The following SLC35F3 variants were observed in gnomAD, a reference collection of about 807,000 sequenced individuals.
SLC35F3 encodes the protein solute carrier family 35 member F3.
SLC35F3 carries 25 observed loss-of-function variants against 49.9 expected under a neutral mutation model. The ratio of observed to expected loss-of-function variants is 0.50; its 90% confidence interval spans 0.37 to 0.70. SLC35F3 has a LOEUF of 0.70. Ranked by LOEUF, SLC35F3 falls within the 30% of genes least tolerant of loss-of-function variation. The probability of loss-of-function intolerance (pLI) is 0.00; values close to 1 mark genes in which losing one functional copy is unlikely to be tolerated. For synonymous variants in SLC35F3, 275 were observed against 265.4 expected (o/e 1.04, Z -0.35); for missense variants, 525 against 639.8 (o/e 0.82, Z 1.94).
intron 2 of SLC35F3, among the ~76,000 whole-genome samples, chr1:234,131,206 T>C (rs1665731239): frequency 6.6e-6 from 1 of 152,148 alleles, no homozygotes; most frequent in South Asian, 2.1e-4. Context: ...TGCTTAAAAT[T>C]TGTCGTTTTC....
chr1:234,145,705 A>G (rs1665986127), intron 2 of SLC35F3, among the ~76,000 whole-genome samples: 1 of 152,188 alleles, frequency 6.6e-6, no homozygotes, highest in African/African-American at 2.4e-5. Flanking sequence ...TATTTACAGT[A>G]TACAGAAGAT....
chr1:234,249,796 A>G (rs1558273586), intron 3 of SLC35F3, among the ~76,000 whole-genome samples: 2 of 152,246 alleles, frequency 1.3e-5, no homozygotes, highest in Admixed American at 6.5e-5. Context: ...GGGGCATAAT[A>G]ACTCAGACAG....
At chr1:234,107,181 T>C (rs771754005) in intron 2 of SLC35F3, among the ~76,000 whole-genome samples, 3 of 152,138 alleles carry the variant, frequency 2.0e-5, no homozygotes, top group Non-Finnish European at 2.9e-5. Context: ...GCCACTTGCC[T>C]CCCAAATTCC....
At chr1:233,958,252 C>G (rs1662737848) in intron 2 of SLC35F3, among the ~76,000 whole-genome samples, 1 of 152,198 alleles carries the variant, frequency 6.6e-6, no homozygotes, top group Admixed American at 6.5e-5. Flanking sequence ...CTTATCAACT[C>G]AAGCTAGGTC....
chr1:234,279,010 C>T (rs1237455077), intron 3 of SLC35F3, among the ~76,000 whole-genome samples: 1 of 152,156 alleles, frequency 6.6e-6, no homozygotes, highest in Non-Finnish European at 1.5e-5. Context: ...GACAGCCTCA[C>T]GAGGTCCTGA....
chr1:233,987,724 C>T (rs1490428641), intron 2 of SLC35F3, among the ~76,000 whole-genome samples: 1 of 152,124 alleles, frequency 6.6e-6, no homozygotes, highest in Non-Finnish European at 1.5e-5. Context: ...CATTTTCCCT[C>T]TTCTCTCTCT....
At chr1:234,251,636 T>C (rs982788916) in intron 3 of SLC35F3, among the ~76,000 whole-genome samples, 2 of 152,178 alleles carry the variant, frequency 1.3e-5, no homozygotes, top group African/African-American at 4.8e-5. Flanking sequence ...CCAATTAAAA[T>C]GTCCAAATGT....
At chr1:234,178,206 C>T (rs1666504020) in intron 2 of SLC35F3, among the ~76,000 whole-genome samples, 1 of 152,168 alleles carries the variant, frequency 6.6e-6, no homozygotes, top group African/African-American at 2.4e-5. Context: ...CATCACCCCA[C>T]TACATACTTG....
rs1247063767 is a variant in SLC35F3, at chr1:233,904,727, G to A, written c.-351G>A. 1.3e-5 allele frequency among the ~76,000 whole-genome samples: 2 copies of A among 151,832 alleles called. No homozygotes were observed. Among genetic ancestry groups the A allele is most frequent in the Admixed American group, 1.3e-4 (2 of 15,246 alleles). On this transcript the variant is annotated 5_prime_UTR_variant, in exon 1 of 8. Transcript: ENST00000366618. ...GTGCCTCGAGAGCGCACAGCTGGGA[G>A]GGCTCTCCCGGTCGCGGCGAGACTC...
chr1:234,298,361 C>T (rs1193031807), intron 3 of SLC35F3, among the ~76,000 whole-genome samples: 1 of 151,990 alleles, frequency 6.6e-6, no homozygotes, highest in African/African-American at 2.4e-5. Context: ...CTTTTTTACT[C>T]CAAAGAAGAT....
chr1:234,164,351 C>T (rs1358317817), intron 2 of SLC35F3, among the ~76,000 whole-genome samples: 3 of 149,440 alleles, frequency 2.0e-5, no homozygotes, highest in Non-Finnish European at 4.5e-5. Flanking sequence ...TCTCTCCCCC[C>T]TCCCTCCTTC....
chr1:234,144,062 G>A (rs1396268070), intron 2 of SLC35F3, among the ~76,000 whole-genome samples: 43 of 150,734 alleles, frequency 2.9e-4, no homozygotes, highest in Non-Finnish European at 5.9e-5. Context: ...GATGAATGCT[G>A]GTACTCCAGG....
At chr1:234,129,668 A>T (rs1665703629) in intron 2 of SLC35F3, among the ~76,000 whole-genome samples, 1 of 152,224 alleles carries the variant, frequency 6.6e-6, no homozygotes, top group South Asian at 2.1e-4. Context: ...AGATTCCAAA[A>T]ATTATAAATT....
Position 234,059,681 on chromosome 1 carries a change from C to CAT in SLC35F3, c.283+153924_283+153925insTA, listed in dbSNP as rs1357084303. Among the ~76,000 whole-genome samples the CAT allele has an allele frequency of 5.4e-5, 8 of 147,752 alleles. No individual in the cohort carries two copies. In the South Asian group the frequency reaches 1.7e-3, roughly 32 times the overall value. On this transcript the variant is annotated intron_variant, in intron 2 of 7. Transcript: ENST00000366618. ...ACATAGACATAGACATAGACATAGA[C>CAT]AGACATAGACATAGACAAGCTTACT...
chr1:234,001,821 T>G (rs190381809), intron 2 of SLC35F3, among the ~76,000 whole-genome samples: 53 of 152,366 alleles, frequency 3.5e-4, no homozygotes, highest in Non-Finnish European at 6.6e-4. Context: ...AATCCACTAT[T>G]CCCCCATCTT....
chr1:234,073,168 G>A (rs1664742629), intron 2 of SLC35F3, among the ~76,000 whole-genome samples: 1 of 152,142 alleles, frequency 6.6e-6, no homozygotes, highest in South Asian at 2.1e-4. Context: ...TTTACAGATA[G>A]GGTCTTGCTG....
chr1:234,004,095 A>G (rs2102834012), intron 2 of SLC35F3, among the ~76,000 whole-genome samples: 1 of 152,306 alleles, frequency 6.6e-6, no homozygotes, highest in South Asian at 2.1e-4. Context: ...AGTGAGTTTT[A>G]AAATATCTGT....
At chr1:234,107,992 CTTTA>C (rs1665309431) in intron 2 of SLC35F3, among the ~76,000 whole-genome samples, 1 of 151,458 alleles carries the variant, frequency 6.6e-6, no homozygotes, top group South Asian at 2.1e-4. Context: ...GTCTGTAATT[CTTTA>C]TTTGTCTTCC....
At chr1:234,283,538 C>T (rs779603378) in intron 3 of SLC35F3, among the ~76,000 whole-genome samples, 2 of 152,216 alleles carry the variant, frequency 1.3e-5, no homozygotes, top group Non-Finnish European at 2.9e-5. Context: ...CCAGTTGTTC[C>T]TAAGGCAGAC....
Sources: gnomAD v4.1 joint callset for allele counts (sites outside exome capture counted in the v4.1 genomes callset) on GRCh38, gnomAD v4.1.1 for gene constraint, MANE v1.5 for transcripts, NCBI Gene and HGNC (gene_info 2026-07-23, HGNC 2026-07-21) for gene names.